SETBP1: variants seen among roughly 807,000 people sequenced by gnomAD.
SETBP1 encodes the protein SET binding protein 1, also known as SET-binding protein.
A neutral mutation model predicts 101.0 loss-of-function variants in SETBP1; 9 were observed. That is an observed-to-expected ratio of 0.09 (90% CI 0.05 to 0.16). The LOEUF is 0.16. Ranked by LOEUF, SETBP1 falls within the 10% of genes least tolerant of loss-of-function variation. The probability of loss-of-function intolerance (pLI) is 1.00; values close to 1 mark genes in which losing one functional copy is unlikely to be tolerated. For missense variants in SETBP1, 1,858 were observed against 2,033.8 expected (o/e 0.91, Z 1.66); for synonymous variants, 818 against 788.5 (o/e 1.04, Z -0.63).
At chr18:44,838,310 G>T (rs752905531) in intron 2 of SETBP1, among the ~76,000 whole-genome samples, 1 of 151,966 alleles carries the variant, frequency 6.6e-6, no homozygotes, top group African/African-American at 2.4e-5. Context: ...AGCTGTATTC[G>T]CTTCACACCC....
intron 5 of SETBP1, among the ~76,000 whole-genome samples, chr18:45,047,806 G>A (rs1400621835): frequency 2.6e-5 from 4 of 152,144 alleles, no homozygotes; most frequent in Admixed American, 1.3e-4. Context: ...AAAGGAGGCA[G>A]GGACAGAGAA....
At chr18:44,761,466 G>C (rs1342293135) in intron 2 of SETBP1, among the ~76,000 whole-genome samples, 1 of 152,142 alleles carries the variant, frequency 6.6e-6, no homozygotes, top group African/African-American at 2.4e-5. Context: ...AATAAAAACT[G>C]AGGGTTAGCA....
intron 5 of SETBP1, among the ~76,000 whole-genome samples, chr18:45,045,454 T>TCGCA (rs1342707485): frequency 6.6e-6 from 1 of 151,102 alleles, no homozygotes; most frequent in African/African-American, 2.5e-5. Flanking sequence ...AGCTGGCAGA[T>TCGCA]TCCAAGCCTT....
intron 4 of SETBP1, among the ~76,000 whole-genome samples, chr18:45,036,256 C>A (rs1226157480): frequency 6.6e-6 from 1 of 151,580 alleles, no homozygotes; most frequent in Non-Finnish European, 1.5e-5. Context: ...TCGCTTGAAC[C>A]CAGGAGGTGG....
At chr18:44,707,735 C>A (rs1174938487) in intron 2 of SETBP1, among the ~76,000 whole-genome samples, 1 of 152,162 alleles carries the variant, frequency 6.6e-6, no homozygotes, top group Non-Finnish European at 1.5e-5. Context: ...GAGAGGTTGG[C>A]ATTAGATTGC....
At chr18:44,747,917 T>C (rs905207388) in intron 2 of SETBP1, among the ~76,000 whole-genome samples, 18 of 152,330 alleles carry the variant, frequency 1.2e-4, no homozygotes, top group African/African-American at 4.3e-4. Flanking sequence ...GCACTCCTAG[T>C]TCTGATTCTT....
intron 1 of SETBP1, 51 bp downstream of exon 1, chr18:44,681,072 C>T (rs1460268434): frequency 6.6e-6 from 1 of 152,178 alleles, no homozygotes. Flanking sequence ...TCTTAAAAAT[C>T]TTAATCAATG....
At chr18:44,805,643 C>T (rs932494930) in intron 2 of SETBP1, among the ~76,000 whole-genome samples, 21 of 152,048 alleles carry the variant, frequency 1.4e-4, no homozygotes, top group African/African-American at 5.1e-4. Context: ...ACTGTTCTTT[C>T]TTTATTTCAG....
intron 4 of SETBP1, among the ~76,000 whole-genome samples, chr18:45,023,520 C>T (rs1401061628): frequency 1.3e-5 from 2 of 152,210 alleles, no homozygotes; most frequent in Non-Finnish European, 2.9e-5. Flanking sequence ...CACAAAACTG[C>T]TTCCTTATAG....
chr18:44,991,200 G>T lies in SETBP1; in HGVS notation c.4000+37860G>T, dbSNP rs113794151. Among the ~76,000 whole-genome samples, 8 of 134,650 alleles carry T rather than the reference G, an allele frequency of 5.9e-5. No individual in the cohort carries two copies. In the East Asian group the frequency reaches 1.1e-3, roughly 18 times the overall value. 88.3% of individuals were successfully genotyped at this position (134,650 alleles called of 152,430 possible). Reference sequence around the variant, plus strand: ...GGAAGTTGCAGTAAACCAAGGTTGCGCCACTGCACTCCAGCCTGAGTGACA... The same window carrying T: ...GGAAGTTGCAGTAAACCAAGGTTGCTCCACTGCACTCCAGCCTGAGTGACA... On this transcript the variant is annotated intron_variant, in intron 4 of 5. Coordinates refer to ENST00000649279, the MANE Select transcript of SETBP1 (RefSeq NM_015559.3).
chr18:44,967,867 T>C (rs2071754245), intron 4 of SETBP1, among the ~76,000 whole-genome samples: 2 of 152,190 alleles, frequency 1.3e-5, no homozygotes. Flanking sequence ...CCTTCTGGCT[T>C]TGCACATGCC....
intron 2 of SETBP1, among the ~76,000 whole-genome samples, chr18:44,861,658 A>G (rs531451359): frequency 6.6e-6 from 1 of 152,258 alleles, no homozygotes; most frequent in South Asian, 2.1e-4. Flanking sequence ...AATACATTCT[A>G]TCACCTACTA....
chr18:44,742,723 C>A (rs956264480), intron 2 of SETBP1, among the ~76,000 whole-genome samples: 1 of 152,206 alleles, frequency 6.6e-6, no homozygotes, highest in African/African-American at 2.4e-5. Context: ...GTGTCCTTAG[C>A]AACCTCCAGG....
chr18:44,756,927 T>C (rs916386209), intron 2 of SETBP1, among the ~76,000 whole-genome samples: 4 of 152,342 alleles, frequency 2.6e-5, no homozygotes, highest in Admixed American at 2.6e-4. Flanking sequence ...TGTGGATTTC[T>C]TGATTTTTCA....
At chr18:44,733,525 ACC>A (rs1247029453) in intron 2 of SETBP1, among the ~76,000 whole-genome samples, 1 of 152,020 alleles carries the variant, frequency 6.6e-6, no homozygotes, top group Non-Finnish European at 1.5e-5. Context: ...TCCTAACTCC[ACC>A]AGGCCCATGC....
intron 3 of SETBP1, among the ~76,000 whole-genome samples, chr18:44,946,699 A>G (rs1479299959): frequency 6.6e-6 from 1 of 152,192 alleles, no homozygotes; most frequent in Non-Finnish European, 1.5e-5. Flanking sequence ...TTTATTTAAC[A>G]AGCACTTATC....
chr18:44,954,750 A>G (rs2071447028), intron 4 of SETBP1, among the ~76,000 whole-genome samples: 1 of 152,158 alleles, frequency 6.6e-6, no homozygotes, highest in South Asian at 2.1e-4. Context: ...TGTCTGCCCA[A>G]AGTGGATGTG....
chr18:44,834,917 T>C (rs1422135001), intron 2 of SETBP1, among the ~76,000 whole-genome samples: 1 of 152,134 alleles, frequency 6.6e-6, no homozygotes, highest in African/African-American at 2.4e-5. Flanking sequence ...TTGTAGGTAC[T>C]TGGAAACAGG....
chr18:45,057,771 G>C (rs1018770339), intron 5 of SETBP1, among the ~76,000 whole-genome samples: 4 of 152,164 alleles, frequency 2.6e-5, no homozygotes, highest in African/African-American at 9.7e-5. Context: ...TCCACCCAAA[G>C]CTTTCTTGTA....
Sources: gnomAD v4.1 joint callset for allele counts (sites outside exome capture counted in the v4.1 genomes callset) on GRCh38, gnomAD v4.1.1 for gene constraint, MANE v1.5 for transcripts, NCBI Gene and HGNC (gene_info 2026-07-23, HGNC 2026-07-21) for gene names.